PKN2: variants seen among roughly 807,000 people sequenced by gnomAD.
The protein encoded by PKN2 is serine/threonine-protein kinase N2.
In PKN2, 38 loss-of-function variants were observed where a neutral mutation model predicts 119.1. That is an observed-to-expected ratio of 0.32 (90% CI 0.25 to 0.42). The LOEUF (loss-of-function observed/expected upper bound fraction) is 0.42, where lower values mean the gene tolerates loss of function less well. Among genes scored for constraint, PKN2 ranks in the 10% least tolerant of loss-of-function variants. The probability of loss-of-function intolerance (pLI) is 1.00; values close to 1 mark genes in which losing one functional copy is unlikely to be tolerated. For missense variants in PKN2, 850 were observed against 1,165.1 expected (o/e 0.73, Z 3.94); for synonymous variants, 390 against 384.9 (o/e 1.01, Z -0.15).
chr1:88,804,647 T>G, intron 9 of PKN2, 113 bp downstream of exon 9: 1 of 1,057,558 alleles, frequency 9.5e-7, no homozygotes, highest in Admixed American at 2.1e-5. Flanking sequence ...ACTTGAGTTC[T>G]TGGCTGAGCT....
chr1:88,765,218 C>T (rs1240008563), intron 3 of PKN2, among the ~76,000 whole-genome samples: 3 of 150,038 alleles, frequency 2.0e-5, no homozygotes, highest in African/African-American at 4.9e-5. Context: ...CGTGAGCTAC[C>T]GTGCCCAGCC....
intron 2 of PKN2, among the ~76,000 whole-genome samples, chr1:88,746,169 A>G (rs578015498): frequency 1.3e-4 from 20 of 152,178 alleles, no homozygotes; most frequent in Non-Finnish European, 2.8e-4. Context: ...CTGAAACTAT[A>G]AAACTGCTAG....
intron 1 of PKN2, among the ~76,000 whole-genome samples, chr1:88,718,322 G>T (rs1025335551): frequency 6.6e-6 from 1 of 152,182 alleles, no homozygotes; most frequent in Non-Finnish European, 1.5e-5. Flanking sequence ...CTCAAACTCC[G>T]TCCTGGGAGA....
At chr1:88,799,164 G>A (rs191984507) in intron 8 of PKN2, among the ~76,000 whole-genome samples, 56 of 152,308 alleles carry the variant, frequency 3.7e-4, no homozygotes, top group Non-Finnish European at 6.0e-4. Context: ...ATAGAGCATA[G>A]CAGTTTCTAT....
intron 2 of PKN2, among the ~76,000 whole-genome samples, chr1:88,742,163 G>GA (rs1199250282): frequency 1.3e-5 from 2 of 152,026 alleles, no homozygotes; most frequent in African/African-American, 4.8e-5. Context: ...TATTTGCAAA[G>GA]AAAAAGAGTG....
At chr1:88,825,039 A>G (rs930949539) in intron 18 of PKN2, among the ~76,000 whole-genome samples, 2 of 152,242 alleles carry the variant, frequency 1.3e-5, no homozygotes, top group Non-Finnish European at 2.9e-5. Context: ...CTCCCTCTGC[A>G]CTGGTGGCTT....
intron 2 of PKN2, among the ~76,000 whole-genome samples, chr1:88,744,937 T>A (rs1010539992): frequency 5.9e-5 from 9 of 152,208 alleles, no homozygotes; most frequent in African/African-American, 2.2e-4. Flanking sequence ...TTTTATTTTC[T>A]CATCATGCCC....
intron 10 of PKN2, 54 bp downstream of exon 10, chr1:88,804,975 A>T: frequency 1.2e-6 from 1 of 850,270 alleles, no homozygotes; most frequent in East Asian, 2.6e-5. Flanking sequence ...AAACAATCTA[A>T]TTACCATTTA....
At position 88,784,830 on chromosome 1, in the gene PKN2, G is replaced by T; in HGVS notation, c.1171+6G>T. 6.4e-7 allele frequency: 1 copy of T among 1,566,226 alleles called. No individual in the cohort carries two copies. The highest frequency in any genetic ancestry group is 1.7e-4 in the Middle Eastern group (1 of 5,870). ...AAAAACCGATGACTTGTCCAGTTCA[G>T]TAACCAGATTTTTAAAAATCATGTA... On this transcript the variant is annotated splice_donor_region_variant and intron_variant, in intron 7 of 21. Coordinates refer to ENST00000370521, the MANE Select transcript of PKN2 (RefSeq NM_006256.4).
At chr1:88,695,830 A>G (rs1666520782) in intron 1 of PKN2, among the ~76,000 whole-genome samples, 1 of 152,160 alleles carries the variant, frequency 6.6e-6, no homozygotes, top group South Asian at 2.1e-4. Context: ...GCTTAAAAAT[A>G]AGTTAACGTC....
intron 1 of PKN2, among the ~76,000 whole-genome samples, chr1:88,719,455 A>G: frequency 6.6e-6 from 1 of 152,186 alleles, no homozygotes; most frequent in South Asian, 2.1e-4. Flanking sequence ...GTCTCTTCCT[A>G]TCTGTCCATC....
At chr1:88,756,108 C>A (rs1669188415) in intron 2 of PKN2, among the ~76,000 whole-genome samples, 1 of 152,014 alleles carries the variant, frequency 6.6e-6, no homozygotes, top group Non-Finnish European at 1.5e-5. Context: ...GACGGGGTTT[C>A]ACCATGTTGG....
At chr1:88,713,235 A>G (rs1341882416) in intron 1 of PKN2, among the ~76,000 whole-genome samples, 1 of 152,218 alleles carries the variant, frequency 6.6e-6, no homozygotes, top group Admixed American at 6.5e-5. Flanking sequence ...CAATAAACAT[A>G]CATGTGCATA....
At chr1:88,804,284 T>G in intron 8 of PKN2, 107 bp from the exon 9 acceptor site, 1 of 829,386 alleles carries the variant, frequency 1.2e-6, no homozygotes, top group Non-Finnish European at 1.9e-6. Flanking sequence ...GTGTGTGTAA[T>G]TTTTGTTTAT....
chr1:88,753,777 C>T (rs1013818105), intron 2 of PKN2, among the ~76,000 whole-genome samples: 3 of 151,922 alleles, frequency 2.0e-5, no homozygotes, highest in Non-Finnish European at 2.9e-5. Context: ...CATTAAAGAC[C>T]CACACCCATG....
chr1:88,721,848 A>G (rs1667692275), intron 1 of PKN2, among the ~76,000 whole-genome samples: 1 of 152,216 alleles, frequency 6.6e-6, no homozygotes, highest in African/African-American at 2.4e-5. Flanking sequence ...TGTGAACCTC[A>G]TGAAACCTCC....
At chr1:88,776,654 C>T (rs1268505319) in intron 6 of PKN2, among the ~76,000 whole-genome samples, 2 of 151,540 alleles carry the variant, frequency 1.3e-5, no homozygotes, top group South Asian at 2.1e-4. Context: ...GCAGGAGAAT[C>T]GTTTGAACGC....
intron 19 of PKN2, among the ~76,000 whole-genome samples, chr1:88,831,329 A>G (rs1278060208): frequency 1.3e-5 from 2 of 151,484 alleles, no homozygotes; most frequent in Admixed American, 6.6e-5. Flanking sequence ...TCAAGTAAAA[A>G]TTGTTCAAGC....
intron 1 of PKN2, among the ~76,000 whole-genome samples, chr1:88,721,979 A>C (rs1207952039): frequency 6.6e-6 from 1 of 152,180 alleles, no homozygotes; most frequent in African/African-American, 2.4e-5. Flanking sequence ...TCCTCATCCC[A>C]ACTCCATATA....
Sources: gnomAD v4.1 joint callset for allele counts (sites outside exome capture counted in the v4.1 genomes callset) on GRCh38, gnomAD v4.1.1 for gene constraint, MANE v1.5 for transcripts, NCBI Gene and HGNC (gene_info 2026-07-23, HGNC 2026-07-21) for gene names.